COL22A1: variants seen among roughly 807,000 people sequenced by gnomAD.
COL22A1 encodes collagen alpha-1(XXII) chain.
In COL22A1, 221 loss-of-function variants were observed where a neutral mutation model predicts 248.9. The observed-to-expected ratio is 0.89, with a 90% CI of 0.80 to 0.99. The LOEUF (loss-of-function observed/expected upper bound fraction) is 0.99. Among genes scored for constraint, COL22A1 ranks in the 50% least tolerant of loss-of-function variants. The probability of loss-of-function intolerance (pLI) is 0.00; values close to 1 mark genes in which losing one functional copy is unlikely to be tolerated. For synonymous variants in COL22A1, 891 were observed against 793.4 expected (o/e 1.12, Z -2.07); for missense variants, 2,240 against 2,179.0 (o/e 1.03, Z -0.56).
intron 1 of COL22A1, among the ~76,000 whole-genome samples, chr8:138,902,733 TATATATACAC>T (rs1293053884): frequency 1.1e-5 from 1 of 91,566 alleles, no homozygotes; most frequent in African/African-American, 4.2e-5. Context: ...TAAATATATA[TATATATACAC>T]ACACACACAC....
intron 1 of COL22A1, among the ~76,000 whole-genome samples, chr8:138,901,777 G>A (rs1056143961): frequency 6.6e-6 from 1 of 151,984 alleles, no homozygotes; most frequent in African/African-American, 2.4e-5. Flanking sequence ...GATAAAGTCC[G>A]AGTGCTTATT....
intron 1 of COL22A1, among the ~76,000 whole-genome samples, chr8:138,908,759 C>T (rs868095266): frequency 1.3e-5 from 2 of 152,102 alleles, no homozygotes; most frequent in Admixed American, 6.5e-5. Flanking sequence ...TTTGCTTTTA[C>T]GGAGCTCAAA....
intron 22 of COL22A1, among the ~76,000 whole-genome samples, chr8:138,750,733 T>G (rs540607657): frequency 6.6e-6 from 1 of 152,156 alleles, no homozygotes; most frequent in East Asian, 1.9e-4. Context: ...CCATGTGAAC[T>G]AGTAAAAGGC....
At position 138,813,640 on chromosome 8, in the gene COL22A1, C is replaced by T. The variant is rs561863259; in HGVS notation, c.1246-621G>A. ...GGCTTCAGGACACGTTAAAGTCCAG[C>T]GTTTCGTTCTACACTGAAGGGGCTT... On this transcript the variant is annotated intron_variant, in intron 7 of 64. Coordinates refer to ENST00000303045, the MANE Select transcript of COL22A1 (RefSeq NM_152888.3). Among the ~76,000 whole-genome samples, 21 of 56,602 alleles carry T rather than the reference C, an allele frequency of 3.7e-4. 1 individual carries two copies. The highest frequency in any genetic ancestry group is 9.6e-3 in the Middle Eastern group (1 of 104). The allele number at this position is 56,602 out of a possible 152,430, so 37.1% of individuals were successfully genotyped here. A position where few individuals can be genotyped will look rare whatever the true frequency, so the allele number is the denominator to read the frequency against.
chr8:138,741,204 A>G (rs79298560), intron 22 of COL22A1, among the ~76,000 whole-genome samples: 10,521 of 152,264 alleles, frequency 0.069, 693 homozygotes, highest in African/African-American at 0.17. Flanking sequence ...ATCACATCCC[A>G]GTTCAGTGCT....
At chr8:138,658,898 C>CCT (rs1564155120) in intron 44 of COL22A1, among the ~76,000 whole-genome samples, 5 of 130,834 alleles carry the variant, frequency 3.8e-5, no homozygotes, top group Non-Finnish European at 7.9e-5. Context: ...TCTCTCTCTC[C>CCT]CTCTCTCTCT....
rs1815496330 is a variant in COL22A1, at chr8:138,912,174, A to T, written c.-73+1445T>A. Among the ~76,000 whole-genome samples the T allele has an allele frequency of 2.6e-5, 4 of 152,340 alleles. No individual in the cohort carries two copies. The South Asian group carries it at 8.3e-4, about 32-fold the overall frequency. On this transcript the variant is annotated intron_variant, in intron 1 of 64. Coordinates refer to ENST00000303045, the MANE Select transcript of COL22A1 (RefSeq NM_152888.3). ...CTCACTGAGGATAGCTGCTTGACCC[A>T]GGGCAGCCAAAGAGAGCAACAGAGT...
chr8:138,762,381 A>C (rs773268482), intron 17 of COL22A1, 32 bp downstream of exon 17: 10 of 1,610,924 alleles, frequency 6.2e-6, no homozygotes, highest in Non-Finnish European at 8.5e-6. Flanking sequence ...CCGCTGATGA[A>C]ACCTAGCCCA....
chr8:138,787,446 T>C (rs1176430645), intron 12 of COL22A1, among the ~76,000 whole-genome samples: 1 of 152,098 alleles, frequency 6.6e-6, no homozygotes, highest in Admixed American at 6.6e-5. Flanking sequence ...GGAAGGGAGA[T>C]GACACAAGGA....
At chr8:138,768,389 C>G (rs954010695) in intron 16 of COL22A1, among the ~76,000 whole-genome samples, 1 of 152,158 alleles carries the variant, frequency 6.6e-6, no homozygotes, top group African/African-American at 2.4e-5. Flanking sequence ...AGAAAGCCCA[C>G]CTTCCATTCT....
intron 12 of COL22A1, among the ~76,000 whole-genome samples, chr8:138,782,580 C>T (rs945237094): frequency 2.0e-5 from 3 of 152,114 alleles, no homozygotes; most frequent in African/African-American, 7.2e-5. Flanking sequence ...GCAGGAGAAT[C>T]GCTTGAACCA....
intron 41 of COL22A1, among the ~76,000 whole-genome samples, chr8:138,674,863 A>C (rs192108401): frequency 6.6e-6 from 1 of 152,288 alleles, no homozygotes; most frequent in Non-Finnish European, 1.5e-5. Context: ...GAATTTCAGA[A>C]AGAAGAAGGC....
chr8:138,848,623 A>T (rs1286126661), intron 3 of COL22A1, among the ~76,000 whole-genome samples: 1 of 152,170 alleles, frequency 6.6e-6, no homozygotes, highest in Non-Finnish European at 1.5e-5. Context: ...GAGTTTTTCC[A>T]GTTGGGAACG....
intron 53 of COL22A1, 101 bp downstream of exon 53, chr8:138,619,353 AC>A: frequency 1.0e-6 from 1 of 981,014 alleles, no homozygotes; most frequent in South Asian, 1.4e-5. Context: ...GACTTCTAGG[AC>A]CCCACGGTTG....
chr8:138,680,544 A>AAGGGGC (rs1039951811), intron 39 of COL22A1, among the ~76,000 whole-genome samples: 6 of 152,190 alleles, frequency 3.9e-5, no homozygotes, highest in Admixed American at 3.9e-4. Flanking sequence ...AGAAGGGGCC[A>AAGGGGC]AGGGGCAGCC....
At chr8:138,874,457 G>C (rs1823561511) in intron 3 of COL22A1, among the ~76,000 whole-genome samples, 1 of 152,220 alleles carries the variant, frequency 6.6e-6, no homozygotes, top group African/African-American at 2.4e-5. Flanking sequence ...GTTAGACAAG[G>C]TCTTGTGACA....
rs144569429 is a variant in COL22A1, at chr8:138,891,807, C to T, written c.-72-8563G>A. ...GGATATAGTCAAACACCAAACTATG[C>T]GTCATCCAGTTTACAAGAAGGAGAG... On this transcript the variant is annotated intron_variant, in intron 1 of 64. Coordinates refer to ENST00000303045, the MANE Select transcript of COL22A1 (RefSeq NM_152888.3). Among the ~76,000 whole-genome samples, 8 of 152,266 alleles carry T rather than the reference C, an allele frequency of 5.3e-5. No individual in the cohort carries two copies. In the South Asian group the frequency reaches 6.2e-4, roughly 12 times the overall value.
chr8:138,627,403 A>G (rs796504673), intron 50 of COL22A1, among the ~76,000 whole-genome samples: 2 of 152,286 alleles, frequency 1.3e-5, no homozygotes, highest in African/African-American at 4.8e-5. Flanking sequence ...CTGATTTTGC[A>G]TTAAATGTTT....
intron 22 of COL22A1, among the ~76,000 whole-genome samples, chr8:138,740,460 G>A (rs1464040916): frequency 6.6e-6 from 1 of 152,168 alleles, no homozygotes; most frequent in Non-Finnish European, 1.5e-5. Context: ...CAAGGTCTCA[G>A]CAGCAATCCG....
Sources: allele counts gnomAD v4.1 joint callset (sites outside exome capture counted in the v4.1 genomes callset), GRCh38; gene constraint gnomAD v4.1.1; transcripts MANE v1.5; gene names NCBI Gene and HGNC (gene_info 2026-07-23, HGNC 2026-07-21).